PLPPR5: variants seen among roughly 807,000 people sequenced by gnomAD.
PLPPR5 encodes phospholipid phosphatase related 5, also known as phospholipid phosphatase-related protein type 5.
Under a neutral mutation model 33.9 loss-of-function variants are expected in PLPPR5, and 16 were observed. That is an observed-to-expected ratio of 0.47 (90% CI 0.32 to 0.72). PLPPR5 has a LOEUF of 0.72. Ranked by LOEUF, PLPPR5 falls within the 30% of genes least tolerant of loss-of-function variation. PLPPR5 has a pLI of 0.03. For synonymous variants in PLPPR5, 163 were observed against 150.3 expected, an observed-to-expected ratio of 1.08 and a Z score of -0.62; for missense variants, 301 against 406.7, an observed-to-expected ratio of 0.74 and a Z score of 2.23.
chr1:98,919,704 T>C (rs776277153), intron 4 of PLPPR5, among the ~76,000 whole-genome samples: 2 of 152,204 alleles, frequency 1.3e-5, no homozygotes, highest in African/African-American at 2.4e-5. Flanking sequence ...TCCCTGGTTC[T>C]GCATAACCCA....
At chr1:98,961,518 A>T (rs1391216879) in intron 1 of PLPPR5, among the ~76,000 whole-genome samples, 6 of 152,202 alleles carry the variant, frequency 3.9e-5, no homozygotes, top group Non-Finnish European at 8.8e-5. Context: ...CATCATTAAC[A>T]ATAGCAATGT....
chr1:98,898,079 G>C (rs370327737), intron 5 of PLPPR5, among the ~76,000 whole-genome samples: 25 of 152,082 alleles, frequency 1.6e-4, no homozygotes, highest in African/African-American at 5.5e-4. Flanking sequence ...TCCAAACAAA[G>C]TTTAAAACCC....
At chr1:98,979,516 G>C (rs906962655) in intron 1 of PLPPR5, among the ~76,000 whole-genome samples, 3 of 152,076 alleles carry the variant, frequency 2.0e-5, no homozygotes, top group African/African-American at 7.2e-5. Context: ...TAGGATGAAT[G>C]TTCTGCACTT....
At chr1:98,987,011 A>C (rs1652287291) in intron 1 of PLPPR5, among the ~76,000 whole-genome samples, 2 of 151,878 alleles carry the variant, frequency 1.3e-5, no homozygotes, top group African/African-American at 4.8e-5. Flanking sequence ...GTTTTCCGAC[A>C]TCTATATAAC....
chr1:98,927,615 G>A (rs1299805255), intron 3 of PLPPR5, among the ~76,000 whole-genome samples: 1 of 152,218 alleles, frequency 6.6e-6, no homozygotes, highest in African/African-American at 2.4e-5. Flanking sequence ...GGTGTACTAA[G>A]AGAAATTGTT....
chr1:98,940,550 A>C (rs533245000), intron 3 of PLPPR5, among the ~76,000 whole-genome samples: 1 of 151,912 alleles, frequency 6.6e-6, no homozygotes, highest in African/African-American at 2.4e-5. Flanking sequence ...AACGCTTGAA[A>C]GGGCTTTCAC....
chr1:98,899,448 G>T (rs1648604342), intron 5 of PLPPR5, among the ~76,000 whole-genome samples: 1 of 152,140 alleles, frequency 6.6e-6, no homozygotes, highest in Admixed American at 6.5e-5. Context: ...GCATTATCAG[G>T]GATGTAAAAT....
Position 98,986,456 on chromosome 1 carries a change from G to A in PLPPR5, c.237+17979C>T, listed in dbSNP as rs181551174. Reference sequence around the variant, plus strand: ...TCTAATTAACATATGGTAACTAAAAGTAGAAATAATAAGGGGAACAACTCT... The same window carrying A: ...TCTAATTAACATATGGTAACTAAAAATAGAAATAATAAGGGGAACAACTCT... On this transcript the variant is annotated intron_variant, in intron 1 of 5. Transcript: ENST00000263177. Among the ~76,000 whole-genome samples, 514 of 151,864 alleles carry A rather than the reference G, an allele frequency of 3.4e-3. 1 individual carries two copies. Among genetic ancestry groups the A allele is most frequent in the Non-Finnish European group, 5.2e-3 (351 of 67,816 alleles).
chr1:98,911,646 T>TA (rs1649152287), intron 5 of PLPPR5, among the ~76,000 whole-genome samples: 1 of 152,204 alleles, frequency 6.6e-6, no homozygotes, highest in African/African-American at 2.4e-5. Flanking sequence ...TGGCAGTGAT[T>TA]ATTATTGAAG....
At chr1:98,967,949 T>C (rs1437985620) in intron 1 of PLPPR5, among the ~76,000 whole-genome samples, 1 of 152,144 alleles carries the variant, frequency 6.6e-6, no homozygotes, top group Non-Finnish European at 1.5e-5. Context: ...GACACTAATC[T>C]TTCACTGCAC....
chr1:98,927,432 C>T (rs879066868), intron 3 of PLPPR5, among the ~76,000 whole-genome samples: 4 of 152,196 alleles, frequency 2.6e-5, no homozygotes, highest in African/African-American at 7.2e-5. Context: ...CCACTGCTAA[C>T]GTCCTTGTGG....
intron 2 of PLPPR5, 29 bp downstream of exon 2, chr1:98,956,580 A>G (rs180878541): frequency 6.5e-7 from 1 of 1,541,522 alleles, no homozygotes; most frequent in African/African-American, 1.4e-5. Flanking sequence ...TGTTTCAGAA[A>G]TATTAAAAAT....
chr1:98,902,415 G>A (rs550090677), intron 5 of PLPPR5, among the ~76,000 whole-genome samples: 6 of 151,842 alleles, frequency 4.0e-5, no homozygotes, highest in South Asian at 2.1e-4. Flanking sequence ...CTTCCTATTC[G>A]TTTTTTGTTT....
chr1:98,939,766 G>T (rs1315137519), intron 3 of PLPPR5, among the ~76,000 whole-genome samples: 1 of 152,068 alleles, frequency 6.6e-6, no homozygotes, highest in East Asian at 1.9e-4. Flanking sequence ...TGTATCCTCA[G>T]CGTACCCTTC....
chr1:98,908,902 C>T (rs1056387497), intron 5 of PLPPR5, among the ~76,000 whole-genome samples: 17 of 152,014 alleles, frequency 1.1e-4, no homozygotes, highest in Non-Finnish European at 2.1e-4. Context: ...TTTCTGAGGG[C>T]CTTTTGTCAA....
intron 3 of PLPPR5, among the ~76,000 whole-genome samples, chr1:98,936,226 G>A (rs1179023655): frequency 6.6e-6 from 1 of 152,086 alleles, no homozygotes; most frequent in Non-Finnish European, 1.5e-5. Flanking sequence ...AATAATAGAA[G>A]GACATTACTT....
At chr1:98,949,013 T>C (rs1469034664) in intron 3 of PLPPR5, among the ~76,000 whole-genome samples, 2 of 152,192 alleles carry the variant, frequency 1.3e-5, no homozygotes, top group East Asian at 1.9e-4. Flanking sequence ...TTCATGTCTG[T>C]CTGTTTCAAC....
chr1:98,950,540 A>T (rs1298039610), intron 3 of PLPPR5, among the ~76,000 whole-genome samples: 2 of 152,216 alleles, frequency 1.3e-5, no homozygotes, highest in Non-Finnish European at 2.9e-5. Flanking sequence ...CATAAACAAT[A>T]ATACTGTCTC....
chr1:98,997,483 A>C (rs1021035793), intron 1 of PLPPR5, among the ~76,000 whole-genome samples: 1 of 152,312 alleles, frequency 6.6e-6, no homozygotes, highest in Non-Finnish European at 1.5e-5. Flanking sequence ...CCCTAGAAAC[A>C]TTATTTATTT....
Sources: allele counts gnomAD v4.1 joint callset (sites outside exome capture counted in the v4.1 genomes callset), GRCh38; gene constraint gnomAD v4.1.1; transcripts MANE v1.5; gene names NCBI Gene and HGNC (gene_info 2026-07-23, HGNC 2026-07-21).